The following CDH12 variants were observed in gnomAD, a reference collection of about 807,000 sequenced individuals.
CDH12 encodes cadherin-12.
A neutral mutation model predicts 74.1 loss-of-function variants in CDH12; 41 were observed. The observed-to-expected ratio is 0.55, with a 90% CI of 0.43 to 0.72. The LOEUF is 0.72. Ranked by LOEUF, CDH12 falls within the 30% of genes least tolerant of loss-of-function variation. The pLI is 0.00. For missense variants in CDH12, 945 were observed against 977.2 expected (o/e 0.97, Z 0.44); for synonymous variants, 399 against 355.0 (o/e 1.12, Z -1.39).
intron 6 of CDH12, among the ~76,000 whole-genome samples, chr5:21,880,635 CT>C (rs1295022397): frequency 2.0e-5 from 2 of 98,910 alleles, no homozygotes; most frequent in African/African-American, 7.5e-5. Flanking sequence ...TTCTTTCTTT[CT>C]TTCTTTCTTT....
intron 3 of CDH12, among the ~76,000 whole-genome samples, chr5:22,258,398 C>G (rs1186994514): frequency 6.6e-6 from 1 of 152,058 alleles, no homozygotes; most frequent in Non-Finnish European, 1.5e-5. Context: ...CCTTAACTCC[C>G]GAGCTATGAT....
chr5:22,762,579 T>C (rs1004245552), intron 1 of CDH12, among the ~76,000 whole-genome samples: 19 of 152,026 alleles, frequency 1.2e-4, no homozygotes, highest in Admixed American at 9.8e-4. Flanking sequence ...TTGAAAACTG[T>C]GATCAGACCA....
intron 7 of CDH12, among the ~76,000 whole-genome samples, chr5:21,852,562 CTTTG>C (rs1030621064): frequency 2.6e-5 from 4 of 151,214 alleles, no homozygotes; most frequent in Admixed American, 2.0e-4. Context: ...TTAAATTTAT[CTTTG>C]TTTGATTTTT....
At chr5:22,367,170 A>G (rs1741072646) in intron 3 of CDH12, among the ~76,000 whole-genome samples, 1 of 151,996 alleles carries the variant, frequency 6.6e-6, no homozygotes, top group Non-Finnish European at 1.5e-5. Context: ...ATCTTATTTT[A>G]TCCTCTGAAA....
chr5:22,451,005 C>G (rs1380936435), intron 2 of CDH12, among the ~76,000 whole-genome samples: 1 of 151,400 alleles, frequency 6.6e-6, no homozygotes, highest in East Asian at 2.0e-4. Context: ...AGATCCAAGT[C>G]ACATTCTCAA....
intron 6 of CDH12, among the ~76,000 whole-genome samples, chr5:21,876,962 G>A (rs1185144126): frequency 1.3e-5 from 2 of 152,190 alleles, no homozygotes; most frequent in South Asian, 2.1e-4. Context: ...AGCATTTTGG[G>A]AGGCCTAGGA....
intron 4 of CDH12, among the ~76,000 whole-genome samples, chr5:22,158,349 G>A (rs1199424858): frequency 6.6e-6 from 1 of 151,912 alleles, no homozygotes; most frequent in African/African-American, 2.4e-5. Flanking sequence ...CATTATTTTT[G>A]CATATGATAA....
At chr5:22,772,652 T>C (rs975359398) in intron 1 of CDH12, among the ~76,000 whole-genome samples, 1 of 152,124 alleles carries the variant, frequency 6.6e-6, no homozygotes, top group Non-Finnish European at 1.5e-5. Flanking sequence ...AAATTTAAAC[T>C]TAACTAAGAA....
At chr5:22,405,036 C>A (rs1742880501) in intron 3 of CDH12, among the ~76,000 whole-genome samples, 1 of 151,944 alleles carries the variant, frequency 6.6e-6, no homozygotes, top group African/African-American at 2.4e-5. Flanking sequence ...ATGGCAGAAC[C>A]CCATTTCTAC....
chr5:22,317,092 C>T (rs971397021), intron 3 of CDH12, among the ~76,000 whole-genome samples: 1 of 151,988 alleles, frequency 6.6e-6, no homozygotes, highest in Admixed American at 6.6e-5. Flanking sequence ...CCGAGGTGGG[C>T]AGATCACCCG....
chr5:21,896,572 C>T (rs535915875), intron 6 of CDH12, among the ~76,000 whole-genome samples: 2 of 152,208 alleles, frequency 1.3e-5, no homozygotes, highest in East Asian at 3.9e-4. Flanking sequence ...CTTGAGAGAC[C>T]GAGTGTTGTG....
In CDH12 at chr5:21,854,781, A is replaced by C. The variant is rs936833697; in HGVS notation, c.536T>G (p.Val179Gly). 8.1e-6 allele frequency: 13 copies of C among 1,608,422 alleles called. No individual in the cohort carries two copies. The Admixed American group carries it at 1.9e-4, about 23-fold the overall frequency. ...TGCATCTGTGGCCTTGACCTGGAGT[A>C]CATATGCACCTGGAAAATAAGACAA... ...VPEMSPVGAY[V>G]LQVKATDADD... The change falls in exon 7 of 15, where the codon GTA (valine) becomes GGA (glycine). Residue 179 changes from valine (V) to glycine (G), a missense_variant. Physicochemically the swap from Val to Gly is moderately radical, Grantham distance 109 (BLOSUM62 -3). This residue lies in a region of CDH12 where 791 missense variants were observed against 792.8 expected (regional missense o/e 1.00). Coordinates refer to ENST00000382254, the MANE Select transcript of CDH12 (RefSeq NM_004061.5).
At chr5:22,046,030 A>G (rs1401216980) in intron 5 of CDH12, among the ~76,000 whole-genome samples, 2 of 152,210 alleles carry the variant, frequency 1.3e-5, no homozygotes, top group Non-Finnish European at 2.9e-5. Context: ...AACTAAAAAT[A>G]AAATAAAACT....
chr5:21,763,962 A>T, intron 12 of CDH12, among the ~76,000 whole-genome samples: 1 of 152,214 alleles, frequency 6.6e-6, no homozygotes, highest in East Asian at 1.9e-4. Flanking sequence ...TTTTCAAGTT[A>T]GATTAAAAGA....
At chr5:22,650,552 T>C (rs1286062692) in intron 1 of CDH12, among the ~76,000 whole-genome samples, 1 of 151,992 alleles carries the variant, frequency 6.6e-6, no homozygotes. Context: ...AAGAGAATAA[T>C]TAGAAAGAGA....
intron 2 of CDH12, among the ~76,000 whole-genome samples, chr5:22,421,747 C>A (rs13185232): frequency 0.27 from 41,356 of 151,982 alleles, 5,678 homozygotes; most frequent in East Asian, 0.34. Context: ...GTTCTAGATC[C>A]TTGAGGAATC....
intron 11 of CDH12, among the ~76,000 whole-genome samples, chr5:21,770,708 G>C (rs1193048399): frequency 1.3e-5 from 2 of 151,822 alleles, no homozygotes; most frequent in African/African-American, 4.8e-5. Flanking sequence ...TCCCGTTATT[G>C]GGTGCATAGC....
At chr5:22,348,767 T>C (rs1740232474) in intron 3 of CDH12, among the ~76,000 whole-genome samples, 1 of 152,180 alleles carries the variant, frequency 6.6e-6, no homozygotes, top group African/African-American at 2.4e-5. Context: ...AAGATATGGA[T>C]GGGATGTCCA....
intron 3 of CDH12, among the ~76,000 whole-genome samples, chr5:22,391,280 T>C (rs1742237013): frequency 6.6e-6 from 1 of 152,148 alleles, no homozygotes; most frequent in Admixed American, 6.6e-5. Context: ...GAGTGGAAAG[T>C]GATTGCTCAA....
Sources: gnomAD v4.1 joint callset for allele counts (sites outside exome capture counted in the v4.1 genomes callset) on GRCh38, gnomAD v4.1.1 for gene constraint, gnomAD v4.1.1 regional missense constraint, MANE v1.5 for transcripts, NCBI Gene and HGNC (gene_info 2026-07-23, HGNC 2026-07-21) for gene names.